Variants in PCDHGB6 observed in about 807,000 individuals in gnomAD.
PCDHGB6 encodes the protein protocadherin gamma-B6.
PCDHGB6 carries 51 observed loss-of-function variants against 59.1 expected under a neutral mutation model. The observed-to-expected ratio is 0.86, with a 90% CI of 0.69 to 1.09. The LOEUF (loss-of-function observed/expected upper bound fraction) is 1.09. Ranked by LOEUF, PCDHGB6 falls within the 50% of genes least tolerant of loss-of-function variation. PCDHGB6 has a pLI of 0.00. For missense variants in PCDHGB6, 1,148 were observed against 1,205.1 expected (o/e 0.95, Z 0.70); for synonymous variants, 466 against 495.1 (o/e 0.94, Z 0.78).
chr5:141,490,232 A>G lies in PCDHGB6; in HGVS notation c.2419-4575A>G. 6.2e-7 allele frequency: 1 copy of G among 1,614,216 alleles called. No homozygotes were observed. Among genetic ancestry groups the G allele is most frequent in the Non-Finnish European group, 8.5e-7 (1 of 1,180,032 alleles). ...CGTGACCAGGGACAGCCTGCCATGG[A>G]GGGCCACTGTGTGATTCAAGTGGAT... On this transcript the variant is annotated intron_variant, in intron 1 of 3. Transcript: ENST00000520790. This position sits in a 1 kb window ranked among gnomAD's most constrained non-coding sequence, Gnocchi z 5.4.
At position 141,486,778 on chromosome 5, in the gene PCDHGB6, G is replaced by A. The variant is rs750169906; in HGVS notation, c.2419-8029G>A. The A allele has an allele frequency of 1.2e-6, 2 of 1,614,104 alleles. No individual in the cohort carries two copies. Among genetic ancestry groups the A allele is most frequent in the Admixed American group, 1.7e-5 (1 of 60,006 alleles). ...AAACCCAGACACTGCAGTTTGAGGT[G>A]CAGGCCCGGGATCGGGGCAACCCAC... is the stretch of plus-strand genomic sequence containing the variant. On this transcript the variant is annotated intron_variant, in intron 1 of 3. Coordinates refer to ENST00000520790, the MANE Select transcript of PCDHGB6 (RefSeq NM_018926.3). This position sits in a 1 kb window ranked among gnomAD's most constrained non-coding sequence, Gnocchi z 5.0.
Position 141,510,979 on chromosome 5 carries a change from G to A in PCDHGB6, c.2599G>A (p.Gly867Ser). 6.2e-7 allele frequency: 1 copy of A among 1,614,156 alleles called. No homozygotes were observed. The highest frequency in any genetic ancestry group is 8.5e-7 in the Non-Finnish European group (1 of 1,180,018). Reference sequence around the variant, plus strand: ...TGATGGGAGCTCCACCCTGGGAGGGGGTGCCGGCACCATGGGATTGAGCGC... The same window carrying A: ...TGATGGGAGCTCCACCCTGGGAGGGAGTGCCGGCACCATGGGATTGAGCGC... ...AADGSSTLGG[G>S]AGTMGLSARY... The change falls in exon 4 of 4, where the codon GGT becomes AGT. Residue 867 changes from glycine (G) to serine (S), a missense_variant. Physicochemically the swap from Gly to Ser is moderately conservative, Grantham distance 56. This residue lies in a region of PCDHGB6 where 283 missense variants were observed against 318.6 expected (regional missense o/e 0.89). Transcript: ENST00000520790.
chr5:141,414,870 G>A (rs1325555474), intron 1 of PCDHGB6: 1 of 1,614,224 alleles, frequency 6.2e-7, no homozygotes, highest in Non-Finnish European at 8.5e-7. Context: ...ATGCGCCCGA[G>A]ATCCTGTACC....
chr5:141,419,151 C>G, intron 1 of PCDHGB6: 3 of 1,613,918 alleles, frequency 1.9e-6, no homozygotes, highest in Non-Finnish European at 1.7e-6. Flanking sequence ...GGCAAGCCTC[C>G]GTTATCCTCC....
chr5:141,422,197 G>C, intron 1 of PCDHGB6: 1 of 1,562,284 alleles, frequency 6.4e-7, no homozygotes, highest in Non-Finnish European at 8.6e-7. Flanking sequence ...TCAAGGCCAA[G>C]ATGGTGGAGG....
intron 1 of PCDHGB6, chr5:141,423,709 C>G (rs2096768343): frequency 8.7e-7 from 1 of 1,147,590 alleles, no homozygotes; most frequent in African/African-American, 1.9e-5. Context: ...TGGCACAAGT[C>G]TTTTAAGGAG....
Position 141,432,388 on chromosome 5 carries a change from C to T in PCDHGB6, c.2418+21768C>T. The T allele has an allele frequency of 6.2e-7, 1 of 1,614,258 alleles. No homozygotes were observed. The highest frequency in any genetic ancestry group is 2.2e-5 in the East Asian group (1 of 44,892). The stretch of plus-strand genomic sequence containing the variant: ...GGGACAACGGGCACCCGCCCCTCAG[C>T]AGCAACGTGTCGTTGAGCCTGTTCG... On this transcript the variant is annotated intron_variant, in intron 1 of 3. Transcript: ENST00000520790. This position sits in a 1 kb window ranked among gnomAD's most constrained non-coding sequence, Gnocchi z 6.0.
At chr5:141,414,048 G>A in intron 1 of PCDHGB6, 1 of 1,610,508 alleles carries the variant, frequency 6.2e-7, no homozygotes, top group Non-Finnish European at 8.5e-7. Flanking sequence ...TACCTGACAC[G>A]CAATTGTTGA....
At chr5:141,458,907 A>AT (rs759653270) in intron 1 of PCDHGB6, among the ~76,000 whole-genome samples, 1 of 151,752 alleles carries the variant, frequency 6.6e-6, no homozygotes, top group Non-Finnish European at 1.5e-5. Context: ...AATTTTTTCT[A>AT]TTTTTTGTGG....
At chr5:141,495,697 A>G (rs1010733016) in intron 2 of PCDHGB6, among the ~76,000 whole-genome samples, 1 of 152,086 alleles carries the variant, frequency 6.6e-6, no homozygotes, top group Non-Finnish European at 1.5e-5. Flanking sequence ...AGTGCTCAAT[A>G]AATGTGGAGT....
chr5:141,498,726 G>T (rs2099785379), intron 2 of PCDHGB6, among the ~76,000 whole-genome samples: 1 of 152,172 alleles, frequency 6.6e-6, no homozygotes, highest in Admixed American at 6.5e-5. Context: ...GAGGTCAGGA[G>T]TTTGAGACCA....
At chr5:141,439,445 G>A (rs1030957687) in intron 1 of PCDHGB6, among the ~76,000 whole-genome samples, 5 of 152,102 alleles carry the variant, frequency 3.3e-5, no homozygotes, top group African/African-American at 4.8e-5. Flanking sequence ...ATTTTATTGC[G>A]GGAGCAAGAC....
In PCDHGB6 at chr5:141,511,599, C is replaced by G; in HGVS notation, c.*426C>G. 4.0e-6 allele frequency: 1 copy of G among 252,540 alleles called. No homozygotes were observed. Among genetic ancestry groups the G allele is most frequent in the South Asian group, 5.2e-5 (1 of 19,398 alleles). 15.6% of individuals were successfully genotyped at this position (252,540 alleles called of 1,614,324 possible). ...GTTGGGGTGTTGAAGTACCAAGTAA[C>G]CTACAAGCCTCCTAGTTCTGAAAAG... On this transcript the variant is annotated 3_prime_UTR_variant, in exon 4 of 4. Coordinates refer to ENST00000520790, the MANE Select transcript of PCDHGB6 (RefSeq NM_018926.3).
chr5:141,409,928 G>T lies in PCDHGB6; in HGVS notation c.1726G>T (p.Asp576Tyr). 4 of 1,613,354 alleles carry T rather than the reference G, an allele frequency of 2.5e-6. No individual in the cohort carries two copies. Among genetic ancestry groups the T allele is most frequent in the Non-Finnish European group, 2.5e-6 (3 of 1,179,776 alleles). Residue 576 changes from aspartate (D) to tyrosine (Y), a missense_variant, in exon 1 of 4, where the codon GAT (aspartate) becomes TAT (tyrosine). By Grantham distance (160) the Asp-to-Tyr change is radical. Around this residue, in one of 5 missense-constraint regions of PCDHGB6, gnomAD observed 549 missense variants for 527.5 expected, o/e 1.04. Coordinates refer to ENST00000520790, the MANE Select transcript of PCDHGB6 (RefSeq NM_018926.3). ...GGGTCCTGACGGCTCCGCGTTCTTC[G>T]ATATGGTACCTCGCTCTGCAGAGCC... ...ALGPDGSAFF[D>Y]MVPRSAEPGY...
intron 1 of PCDHGB6, among the ~76,000 whole-genome samples, chr5:141,455,899 ATTT>A (rs1561962776): frequency 1.3e-5 from 2 of 148,258 alleles, no homozygotes; most frequent in Non-Finnish European, 3.0e-5. Flanking sequence ...TTATTTATTT[ATTT>A]ATTTATTTAT....
chr5:141,429,450 A>G (rs1326036711), intron 1 of PCDHGB6, among the ~76,000 whole-genome samples: 1 of 152,114 alleles, frequency 6.6e-6, no homozygotes, highest in East Asian at 1.9e-4. Context: ...CTTGGGCTAC[A>G]GTAATCCTCC....
In PCDHGB6 at chr5:141,494,886, C is replaced by T. The variant is rs1212594477; in HGVS notation, c.2477+21C>T. ...AGCGGGTAGGTGACTGATTCTCCAG[C>T]CCACCCTCTTCTCTGCGGCATTTTC... On this transcript the variant is annotated intron_variant, in intron 2 of 3. Coordinates refer to ENST00000520790, the MANE Select transcript of PCDHGB6 (RefSeq NM_018926.3). 8 of 1,614,010 alleles carry T rather than the reference C, an allele frequency of 5.0e-6. No homozygotes were observed. The Admixed American group carries it at 8.3e-5, about 17-fold the overall frequency.
At chr5:141,454,953 G>A (rs1304192945) in intron 1 of PCDHGB6, among the ~76,000 whole-genome samples, 4 of 150,686 alleles carry the variant, frequency 2.7e-5, no homozygotes, top group Admixed American at 6.6e-5. Context: ...GACTACAGGC[G>A]CCGGCCACCA....
Position 141,476,908 on chromosome 5 carries a change from A to T in PCDHGB6, c.2419-17899A>T. ...ATGCACCCTCCGGCACGCGCGTGGT[A>T]CAAGTCCTTGCAACGGATCTGGATG... is the stretch of plus-strand genomic sequence containing the variant. On this transcript the variant is annotated intron_variant, in intron 1 of 3. Coordinates refer to ENST00000520790, the MANE Select transcript of PCDHGB6 (RefSeq NM_018926.3). This position sits in a 1 kb window ranked among gnomAD's most constrained non-coding sequence, Gnocchi z 7.6. The T allele has an allele frequency of 1.2e-6, 2 of 1,614,050 alleles. No individual in the cohort carries two copies. The highest frequency in any genetic ancestry group is 1.7e-6 in the Non-Finnish European group (2 of 1,180,038).
Sources: allele counts gnomAD v4.1 joint callset (sites outside exome capture counted in the v4.1 genomes callset), GRCh38; gene constraint gnomAD v4.1.1; regional missense constraint gnomAD v4.1.1; non-coding constraint Gnocchi (gnomAD v3.1); transcripts MANE v1.5; gene names NCBI Gene and HGNC (gene_info 2026-07-23, HGNC 2026-07-21).